Variants in F8 observed in about 807,000 individuals in gnomAD.
F8 encodes antihemophilic factor.
Under a neutral mutation model 140.6 loss-of-function variants are expected in F8, and 12 were observed. That is an observed-to-expected ratio of 0.09 (90% CI 0.05 to 0.14). The LOEUF (loss-of-function observed/expected upper bound fraction) is 0.14, where lower values mean the gene tolerates loss of function less well. F8 is among the 10% of genes least tolerant of loss of function. The pLI, the probability that F8 is intolerant of heterozygous loss-of-function variation, is 1.00. For missense variants in F8, 1,354 were observed against 1,720.7 expected (o/e 0.79, Z 3.77); for synonymous variants, 585 against 614.6 (o/e 0.95, Z 0.71).
intron 6 of F8, among the ~76,000 whole-genome samples, chrX:154,974,234 T>C (rs1156450560): frequency 3.6e-5 from 4 of 112,006 alleles, no homozygotes; most frequent in Non-Finnish European, 7.5e-5. Context: ...GCTTGTCTTA[T>C]TCCAGTTCTT....
intron 14 of F8, among the ~76,000 whole-genome samples, chrX:154,923,518 C>G: frequency 9.0e-6 from 1 of 111,689 alleles, no homozygotes; most frequent in Admixed American, 9.5e-5. Context: ...GTGAATAAGT[C>G]TCATGAGAAC....
intron 11 of F8, 90 bp downstream of exon 11, chrX:154,956,867 A>T: frequency 1.3e-6 from 1 of 779,001 alleles, no homozygotes; most frequent in Non-Finnish European, 2.0e-6. Context: ...TCTTTTACTG[A>T]CCTATATTGC....
At chrX:154,864,071 C>T (rs1259933099) in intron 22 of F8, among the ~76,000 whole-genome samples, 2 of 112,393 alleles carry the variant, frequency 1.8e-5, no homozygotes, top group Non-Finnish European at 1.9e-5. Context: ...AGCAGGCCCA[C>T]CAACTAGACC....
chrX:154,938,995 G>A lies in F8; in HGVS notation c.2114-7319C>T, dbSNP rs782156938. On this transcript the variant is annotated intron_variant, in intron 13 of 25. Transcript: ENST00000360256. ...AATGACAAGAGCACAAAAGGTAGGA[G>A]TGAGAAAATGAAGTCACGTTGTTTG... 3.6e-5 allele frequency among the ~76,000 whole-genome samples: 4 copies of A among 111,379 alleles called. No homozygotes were observed. In the South Asian group the frequency reaches 1.5e-3, roughly 42 times the overall value.
At chrX:155,000,335 T>C (rs1230447135) in intron 1 of F8, among the ~76,000 whole-genome samples, 1 of 111,820 alleles carries the variant, frequency 8.9e-6, no homozygotes, top group Non-Finnish European at 1.9e-5. Context: ...AGTGAATTGG[T>C]AGAAATTACA....
intron 13 of F8, among the ~76,000 whole-genome samples, chrX:154,942,776 C>T (rs1204453862): frequency 7.5e-5 from 8 of 107,106 alleles, no homozygotes; most frequent in Non-Finnish European, 1.6e-4. Flanking sequence ...CAATAAAATA[C>T]TGGCAAACCG....
At chrX:154,981,192 A>G (rs1557283519) in intron 6 of F8, among the ~76,000 whole-genome samples, 1 of 110,868 alleles carries the variant, frequency 9.0e-6, no homozygotes, top group Admixed American at 9.6e-5. Context: ...AGTCATAAAG[A>G]ACCAATCCCC....
At chrX:154,906,742 C>T (rs1254915067) in intron 14 of F8, among the ~76,000 whole-genome samples, 169 bp from the exon 15 acceptor site, 1 of 112,117 alleles carries the variant, frequency 8.9e-6, no homozygotes, top group Non-Finnish European at 1.9e-5. Flanking sequence ...TCCATGAAAG[C>T]TGGGGTTTTG....
intron 4 of F8, among the ~76,000 whole-genome samples, chrX:154,989,007 C>T (rs1337821042): frequency 8.9e-6 from 1 of 111,777 alleles, no homozygotes; most frequent in African/African-American, 3.3e-5. Flanking sequence ...TGCTTCTGGT[C>T]CACAAATATT....
chrX:155,019,416 T>C (rs905766402), intron 1 of F8, among the ~76,000 whole-genome samples: 22 of 111,858 alleles, frequency 2.0e-4, no homozygotes, highest in African/African-American at 6.5e-4. Flanking sequence ...ATTTAACTTA[T>C]GATATGATTC....
chrX:155,013,800 T>C (rs1166129598), intron 1 of F8, among the ~76,000 whole-genome samples: 1 of 111,736 alleles, frequency 8.9e-6, no homozygotes, highest in Admixed American at 9.5e-5. Flanking sequence ...CAGTTTCTAG[T>C]GGAGCCCTCT....
At position 155,012,874 on chromosome X, in the gene F8, C is replaced by T. The variant is rs185401740; in HGVS notation, c.143+9536G>A. 4.3e-3 allele frequency among the ~76,000 whole-genome samples: 476 copies of T among 109,795 alleles called. 1 individual carries two copies. The highest frequency in any genetic ancestry group is 0.015 in the African/African-American group (464 of 30,217). On this transcript the variant is annotated intron_variant, in intron 1 of 25. Coordinates refer to ENST00000360256, the MANE Select transcript of F8 (RefSeq NM_000132.4). ...TTTTATAAGAATAGTCAGCCGGGCGCGGTGGCTCACGCTTGTAATCCCAGC... is the reference window on the plus strand; with the variant it reads ...TTTTATAAGAATAGTCAGCCGGGCGTGGTGGCTCACGCTTGTAATCCCAGC...
chrX:154,998,953 A>G (rs2073632230), intron 2 of F8, among the ~76,000 whole-genome samples: 1 of 111,418 alleles, frequency 9.0e-6, no homozygotes, highest in Non-Finnish European at 1.9e-5. Context: ...ATACCTTGAC[A>G]TGAGGGACAG....
Position 154,929,554 on chromosome X carries a change from T to C in F8, c.4236A>G (p.Val1412=), listed in dbSNP as rs1557278472. The C allele has an allele frequency of 1.7e-6, 2 of 1,210,875 alleles. No individual in the cohort carries two copies. Among genetic ancestry groups the C allele is most frequent in the South Asian group, 1.8e-5 (1 of 56,964 alleles). The part of the protein sequence containing the change: ...ANRSPLPIAK[V]SSFPSIRPIY... ...TAGGTCTAATAGATGGAAATGATGATACCTTTGCAATGGGTAATGGAGATC... is the reference window on the plus strand; with the variant it reads ...TAGGTCTAATAGATGGAAATGATGACACCTTTGCAATGGGTAATGGAGATC... Residue 1412 remains valine, a synonymous_variant, in exon 14 of 26, where the codon GTA becomes GTG. Coordinates refer to ENST00000360256, the MANE Select transcript of F8 (RefSeq NM_000132.4).
At chrX:154,978,900 T>C (rs1038128420) in intron 6 of F8, among the ~76,000 whole-genome samples, 1 of 111,539 alleles carries the variant, frequency 9.0e-6, no homozygotes, top group African/African-American at 3.3e-5. Flanking sequence ...GGTGTGGTTA[T>C]TAGTGGAGGC....
At chrX:154,982,464 A>AATAT (rs782606425) in intron 6 of F8, among the ~76,000 whole-genome samples, 107 of 83,315 alleles carry the variant, frequency 1.3e-3, no homozygotes, top group Middle Eastern at 5.9e-3. Flanking sequence ...AAAAAAAAAA[A>AATAT]ATATATATAT....
In F8 at chrX:154,957,009, A is replaced by G. The variant is rs782193428; in HGVS notation, c.1700T>C (p.Ile567Thr). Residue 567 changes from isoleucine to threonine, a missense_variant, in exon 11 of 26, where the codon ATT (isoleucine) becomes ACT (threonine). This residue lies in a region of F8 where 252 missense variants were observed against 338.5 expected (regional missense o/e 0.74). Transcript: ENST00000360256. ...TTTGTAGCAGATGAGGAGAGGGCCAATGAGTCCTGAAGCTAGATCTCTCTC... is the reference window on the plus strand; with the variant it reads ...TTTGTAGCAGATGAGGAGAGGGCCAGTGAGTCCTGAAGCTAGATCTCTCTC... ...NMERDLASGL[I>T]GPLLICYKES... 7 of 1,209,665 alleles carry G rather than the reference A, an allele frequency of 5.8e-6. No homozygotes were observed. The highest frequency in any genetic ancestry group is 2.2e-5 in the Admixed American group (1 of 45,732).
chrX:154,865,685 AC>A (rs782559895), intron 22 of F8, among the ~76,000 whole-genome samples: 44 of 102,026 alleles, frequency 4.3e-4, no homozygotes, highest in Admixed American at 2.1e-3. Flanking sequence ...CCCTGTGGTA[AC>A]CCCCCCGACC....
chrX:154,962,729 G>A (rs781878214), intron 9 of F8, among the ~76,000 whole-genome samples: 111 of 111,018 alleles, frequency 1.0e-3, no homozygotes, highest in Non-Finnish European at 9.4e-4. Flanking sequence ...AGCTAGGCGT[G>A]GTGGTGCATG....
Sources: gnomAD v4.1 joint callset for allele counts (sites outside exome capture counted in the v4.1 genomes callset) on GRCh38, gnomAD v4.1.1 for gene constraint, gnomAD v4.1.1 regional missense constraint, MANE v1.5 for transcripts, NCBI Gene and HGNC (gene_info 2026-07-23, HGNC 2026-07-21) for gene names.